SH3RF1: variants seen among roughly 807,000 people sequenced by gnomAD.
SH3RF1 encodes SH3 domain containing ring finger 1.
In SH3RF1, 32 loss-of-function variants were observed where a neutral mutation model predicts 74.0. That is an observed-to-expected ratio of 0.43 (90% confidence interval 0.33 to 0.58). The LOEUF (loss-of-function observed/expected upper bound fraction) is 0.58. Ranked by LOEUF, SH3RF1 falls within the 20% of genes least tolerant of loss-of-function variation. The pLI, the probability that SH3RF1 is intolerant of heterozygous loss-of-function variation, is 0.05. For missense variants in SH3RF1, 954 were observed against 1,130.9 expected, an observed-to-expected ratio of 0.84 and a Z score of 2.24; for synonymous variants, 396 against 439.6, an observed-to-expected ratio of 0.90 and a Z score of 1.24.
At chr4:169,175,206 T>TACCAGCCCAAGCCAGATCA (rs1324964231) in intron 2 of SH3RF1, among the ~76,000 whole-genome samples, 25 of 152,218 alleles carry the variant, frequency 1.6e-4, no homozygotes, top group Non-Finnish European at 2.9e-4. Flanking sequence ...TGACAATTTC[T>TACCAGCCCAAGCCAGATCA]ACTGCTACCA....
intron 2 of SH3RF1, among the ~76,000 whole-genome samples, chr4:169,199,977 GA>G (rs11303298): frequency 0.11 from 16,954 of 152,054 alleles, 967 homozygotes; most frequent in Middle Eastern, 0.16. Context: ...TCGACATCAT[GA>G]GAAAATATTC....
chr4:169,240,511 T>A (rs753285854), intron 2 of SH3RF1, among the ~76,000 whole-genome samples: 1 of 152,166 alleles, frequency 6.6e-6, no homozygotes, highest in Non-Finnish European at 1.5e-5. Context: ...CTTCACTTAA[T>A]TATTTAAGAA....
At chr4:169,117,216 T>C (rs1329870581) in intron 9 of SH3RF1, among the ~76,000 whole-genome samples, 1 of 152,126 alleles carries the variant, frequency 6.6e-6, no homozygotes, top group Non-Finnish European at 1.5e-5. Flanking sequence ...CAATGTCACA[T>C]GGATGGTAGT....
At chr4:169,264,777 G>C (rs1440564421) in intron 2 of SH3RF1, among the ~76,000 whole-genome samples, 2 of 152,140 alleles carry the variant, frequency 1.3e-5, no homozygotes, top group African/African-American at 4.8e-5. Flanking sequence ...GGCAGTTCTT[G>C]ATGCCTTCTA....
chr4:169,190,775 A>T (rs926794012), intron 2 of SH3RF1, among the ~76,000 whole-genome samples: 3 of 152,178 alleles, frequency 2.0e-5, no homozygotes, highest in Admixed American at 2.0e-4. Context: ...ACCAAAAAAG[A>T]AAACTACAGA....
At chr4:169,256,424 A>C (rs145566255) in intron 2 of SH3RF1, among the ~76,000 whole-genome samples, 15 of 152,308 alleles carry the variant, frequency 9.8e-5, no homozygotes, top group Admixed American at 8.5e-4. Flanking sequence ...GTCACACTAT[A>C]GTCGTAAAAC....
At chr4:169,214,276 C>T (rs1440357530) in intron 2 of SH3RF1, among the ~76,000 whole-genome samples, 1 of 152,210 alleles carries the variant, frequency 6.6e-6, no homozygotes, top group Non-Finnish European at 1.5e-5. Context: ...GAGGTACCTG[C>T]TCCCACTTCA....
At chr4:169,147,553 C>T (rs1185021321) in intron 4 of SH3RF1, among the ~76,000 whole-genome samples, 2 of 152,190 alleles carry the variant, frequency 1.3e-5, no homozygotes, top group Non-Finnish European at 2.9e-5. Flanking sequence ...TATTGACCAT[C>T]AGGACTTTGC....
intron 10 of SH3RF1, among the ~76,000 whole-genome samples, chr4:169,109,772 G>A (rs1733209279): frequency 6.6e-6 from 1 of 152,012 alleles, no homozygotes; most frequent in Non-Finnish European, 1.5e-5. Flanking sequence ...CACTTTGGGA[G>A]GCTGAGGCAG....
chr4:169,133,945 A>G (rs76936409), intron 5 of SH3RF1, among the ~76,000 whole-genome samples: 72 of 152,306 alleles, frequency 4.7e-4, no homozygotes, highest in Non-Finnish European at 9.0e-4. Flanking sequence ...CCTGTTTTAA[A>G]TGGTCTTACA....
intron 8 of SH3RF1, 134 bp downstream of exon 8, chr4:169,120,685 G>T: frequency 1.1e-6 from 1 of 899,220 alleles, no homozygotes; most frequent in Non-Finnish European, 1.6e-6. Context: ...AGCAGATGTA[G>T]ACATGGATTT....
At chr4:169,236,208 G>A (rs1579155457) in intron 2 of SH3RF1, among the ~76,000 whole-genome samples, 4 of 152,324 alleles carry the variant, frequency 2.6e-5, no homozygotes, top group East Asian at 1.9e-4. Flanking sequence ...TCCTTGAAAT[G>A]GAATCATGGC....
At chr4:169,264,788 C>A (rs1018205753) in intron 2 of SH3RF1, among the ~76,000 whole-genome samples, 2 of 152,206 alleles carry the variant, frequency 1.3e-5, no homozygotes, top group African/African-American at 4.8e-5. Flanking sequence ...ATGCCTTCTA[C>A]ATTATCAAAT....
intron 2 of SH3RF1, among the ~76,000 whole-genome samples, chr4:169,182,630 G>C (rs921519960): frequency 7.2e-5 from 11 of 152,146 alleles, no homozygotes; most frequent in Non-Finnish European, 1.3e-4. Context: ...ACTTATAAAA[G>C]GCTTACGGGA....
intron 2 of SH3RF1, among the ~76,000 whole-genome samples, chr4:169,240,893 C>T (rs1164767203): frequency 2.0e-5 from 3 of 152,172 alleles, no homozygotes; most frequent in South Asian, 2.1e-4. Context: ...AAGCATCCCC[C>T]TCATTGCAAG....
At chr4:169,164,131 T>A (rs113734802) in intron 2 of SH3RF1, among the ~76,000 whole-genome samples, 1 of 152,218 alleles carries the variant, frequency 6.6e-6, no homozygotes, top group Non-Finnish European at 1.5e-5. Context: ...ACTGTTATCA[T>A]GGCCCTTATC....
intron 2 of SH3RF1, among the ~76,000 whole-genome samples, chr4:169,245,456 C>T (rs553016368): frequency 9.2e-5 from 14 of 152,230 alleles, no homozygotes; most frequent in African/African-American, 3.4e-4. Flanking sequence ...TCTATATAGT[C>T]CACTAAAATC....
rs552988367 is a variant in SH3RF1 at position 169,095,657 on chromosome 4, T to G, written c.*862A>C. The stretch of plus-strand genomic sequence containing the variant: ...ACGCTTCATAGCCATTCTCAGACAG[T>G]GACTACAACTTCAATTTCCCCTACT... On this transcript the variant is annotated 3_prime_UTR_variant, in exon 12 of 12. Transcript: ENST00000284637. 1 of 152,772 alleles carries G rather than the reference T, an allele frequency of 6.5e-6. No homozygotes were observed. Among genetic ancestry groups the G allele is most frequent in the East Asian group, 1.9e-4 (1 of 5,186 alleles). 9.5% of individuals were successfully genotyped at this position (152,772 alleles called of 1,614,324 possible).
chr4:169,184,810 G>A (rs1734577469), intron 2 of SH3RF1, among the ~76,000 whole-genome samples: 1 of 152,160 alleles, frequency 6.6e-6, no homozygotes, highest in South Asian at 2.1e-4. Context: ...ATCATATCTT[G>A]ATTAGCATCA....
Sources: allele counts gnomAD v4.1 joint callset (sites outside exome capture counted in the v4.1 genomes callset), GRCh38; gene constraint gnomAD v4.1.1; transcripts MANE v1.5; gene names NCBI Gene and HGNC (gene_info 2026-07-23, HGNC 2026-07-21).